FANCD2OS: variants seen among roughly 807,000 people sequenced by gnomAD.
FANCD2OS encodes FANCD2 opposite strand protein.
A neutral mutation model predicts 13.2 loss-of-function variants in FANCD2OS; 11 were observed. The ratio of observed to expected loss-of-function variants is 0.83; its 90% CI spans 0.52 to 1.38. FANCD2OS has a LOEUF of 1.38. Ranked by LOEUF, FANCD2OS falls within the 40% of genes most tolerant of loss-of-function variation. The probability of loss-of-function intolerance (pLI) is 0.00; values close to 1 mark genes in which losing one functional copy is unlikely to be tolerated. For synonymous variants in FANCD2OS, 69 were observed against 84.5 expected (o/e 0.82, Z 1.01); for missense variants, 217 against 213.9 (o/e 1.01, Z -0.09).
At chr3:10,088,863 C>G in intron 2 of FANCD2OS, 3 of 1,613,980 alleles carry the variant, frequency 1.9e-6, no homozygotes, top group Non-Finnish European at 2.5e-6. Flanking sequence ...ATTCTGAAGG[C>G]CATAGAGGAG....
At position 10,105,764 on chromosome 3, in the gene FANCD2OS, AAAAAAAATTATATATAT is replaced by A. The variant is rs1432932854; in HGVS notation, c.-8-999_-8-983del. ...AGACTCCATCTAAAAAAAAAAAAAA[AAAAAAAATTATATATAT>A]ATATATATATATATATATATATATA... On this transcript the variant is annotated intron_variant, in intron 1 of 1. Transcript: ENST00000450660. 3.4e-4 allele frequency among the ~76,000 whole-genome samples: 23 copies of A among 67,068 alleles called. 2 individuals are homozygous for A. The highest frequency in any genetic ancestry group is 2.2e-3 in the African/African-American group (21 of 9,594). 44.0% of individuals were successfully genotyped at this position (67,068 alleles called of 152,430 possible).
At chr3:10,090,607 C>T (rs1268397206) in intron 2 of FANCD2OS, among the ~76,000 whole-genome samples, 2 of 151,866 alleles carry the variant, frequency 1.3e-5, no homozygotes, top group African/African-American at 2.4e-5. Context: ...TACAGGCATG[C>T]GCCACCACAC....
chr3:10,088,916 G>T, intron 2 of FANCD2OS: 1 of 1,613,922 alleles, frequency 6.2e-7, no homozygotes, highest in Non-Finnish European at 8.5e-7. Context: ...CTCTCCTAAA[G>T]ATGCATCTTC....
chr3:10,098,622 A>G (rs1200369728), downstream of FANCD2OS: 1 of 1,467,856 alleles, frequency 6.8e-7, no homozygotes, highest in East Asian at 2.5e-5. Context: ...AATGGCTAAA[A>G]TATCTTCCTT....
At chr3:10,085,633 G>T (rs187670254) in intron 2 of FANCD2OS, among the ~76,000 whole-genome samples, 4 of 151,906 alleles carry the variant, frequency 2.6e-5, no homozygotes, top group African/African-American at 7.2e-5. Flanking sequence ...CTCGTTATTC[G>T]CCCGCCTCAG....
At chr3:10,089,059 G>T in intron 2 of FANCD2OS, 1 of 1,250,730 alleles carries the variant, frequency 8.0e-7, no homozygotes, top group Non-Finnish European at 1.2e-6. Context: ...GAGGCAGGAG[G>T]ATCACCTTGA....
chr3:10,083,270 C>T (rs1263784522), intron 2 of FANCD2OS, among the ~76,000 whole-genome samples: 1 of 151,642 alleles, frequency 6.6e-6, no homozygotes. Context: ...GAAGTTAACA[C>T]AGAAAATAAA....
At chr3:10,098,892 C>T (rs748421381), downstream of FANCD2OS, 3 of 1,614,214 alleles carry the variant, frequency 1.9e-6, no homozygotes, top group East Asian at 4.5e-5. Flanking sequence ...TGGAGCAGAA[C>T]TTTGCCTACT....
intron 2 of FANCD2OS, chr3:10,094,212 G>A: frequency 1.9e-6 from 2 of 1,046,118 alleles, no homozygotes; most frequent in Non-Finnish European, 1.5e-6. Context: ...CCCTTGGGCT[G>A]GATGAGACTA....
In FANCD2OS at chr3:10,088,484, C is replaced by CT; in HGVS notation, c.*44-6954_*44-6953insA. 1 of 1,612,276 alleles carries CT rather than the reference C, an allele frequency of 6.2e-7. No homozygotes were observed. On this transcript the variant is annotated intron_variant, in intron 2 of 2. Transcript: ENST00000524279. Reference sequence around the variant, plus strand: ...CAGACAATTCCTCTGTCGGGTGTGGCCAAGTGGGGATAAAGAGAAGAGCAA... The same window carrying CT: ...CAGACAATTCCTCTGTCGGGTGTGGCTCAAGTGGGGATAAAGAGAAGAGCAA...
chr3:10,097,067 T>C (rs1168104511), intron 2 of FANCD2OS, among the ~76,000 whole-genome samples: 1 of 152,096 alleles, frequency 6.6e-6, no homozygotes. Flanking sequence ...CAGCAAGTTT[T>C]TATTAGGGAT....
downstream of FANCD2OS, chr3:10,101,402 T>TTA (rs1553616151): frequency 4.1e-4 from 224 of 541,328 alleles, no homozygotes; most frequent in Middle Eastern, 7.9e-4. Context: ...TTTTTTTTTT[T>TTA]AAAGACGGGG....
In FANCD2OS at chr3:10,093,437, A is replaced by G. The variant is rs554548420; in HGVS notation, c.*43+10761T>C. The G allele has an allele frequency of 7.7e-6, 7 of 912,338 alleles. No individual in the cohort carries two copies. In the Admixed American group the frequency reaches 1.2e-4, roughly 16 times the overall value. The allele number at this position is 912,338 out of a possible 1,614,324, so 56.5% of individuals were successfully genotyped here. On this transcript the variant is annotated intron_variant, in intron 2 of 2. Coordinates refer to the FANCD2OS transcript ENST00000524279. ...CTTGCCCACAAGCCAGAGTTTCCAG[A>G]ATCTATGCCAGTTTAGGGAAGGCAA...
At chr3:10,087,105 A>G in intron 2 of FANCD2OS, 1 of 1,613,290 alleles carries the variant, frequency 6.2e-7, no homozygotes, top group Non-Finnish European at 8.5e-7. Flanking sequence ...ATACTATTGC[A>G]TTTGTTTGTT....
Position 10,105,772 on chromosome 3 carries a change from TTATATATATATATATATATA to T in FANCD2OS, c.-8-1010_-8-991del, listed in dbSNP as rs574690780. On this transcript the variant is annotated intron_variant, in intron 1 of 1. Coordinates refer to ENST00000450660, the MANE Select transcript of FANCD2OS (RefSeq NM_001164839.2). ...TCTAAAAAAAAAAAAAAAAAAAAAATTATATATATATATATATATATATATATATATATATATATATATAT... is the reference window on the plus strand; with the variant it reads ...TCTAAAAAAAAAAAAAAAAAAAAAATTATATATATATATATATATATATAT... Among the ~76,000 whole-genome samples the T allele has an allele frequency of 3.1e-3, 71 of 22,640 alleles. 4 individuals are homozygous for T. Among genetic ancestry groups the T allele is most frequent in the Middle Eastern group, 0.033 (1 of 30 alleles). 14.9% of individuals were successfully genotyped at this position (22,640 alleles called of 152,430 possible).
intron 2 of FANCD2OS, chr3:10,088,915 A>C (rs1206216082): frequency 6.2e-7 from 1 of 1,614,024 alleles, no homozygotes; most frequent in African/African-American, 1.3e-5. Context: ...ACTCTCCTAA[A>C]GATGCATCTT....
At chr3:10,082,756 C>G (rs144365161) in intron 2 of FANCD2OS, among the ~76,000 whole-genome samples, 1 of 152,136 alleles carries the variant, frequency 6.6e-6, no homozygotes, top group Admixed American at 6.6e-5. Flanking sequence ...CTCTGGTATC[C>G]GTTCGTGATA....
At chr3:10,085,755 A>G (rs1694155474) in intron 2 of FANCD2OS, 1 of 1,098,126 alleles carries the variant, frequency 9.1e-7, no homozygotes, top group Non-Finnish European at 1.4e-6. Flanking sequence ...ATCCTTAAAT[A>G]CTATCCAAGT....
chr3:10,088,316 C>T (rs1694358948), intron 2 of FANCD2OS: 2 of 721,010 alleles, frequency 2.8e-6, no homozygotes, highest in South Asian at 2.9e-5. Flanking sequence ...TGTAAGTTGC[C>T]TGTTAGACCG....
Sources: gnomAD v4.1 joint callset for allele counts (sites outside exome capture counted in the v4.1 genomes callset) on GRCh38, gnomAD v4.1.1 for gene constraint, MANE v1.5 for transcripts, NCBI Gene and HGNC (gene_info 2026-07-23, HGNC 2026-07-21) for gene names.